The following ANKRD11 variants were observed in gnomAD, a reference collection of about 807,000 sequenced individuals.
The protein encoded by ANKRD11 is ankyrin repeat domain-containing protein 11.
ANKRD11 carries 17 observed loss-of-function variants against 195.7 expected under a neutral mutation model. The observed-to-expected ratio is 0.09, with a 90% CI of 0.06 to 0.13. The LOEUF (loss-of-function observed/expected upper bound fraction) is 0.13. Among genes scored for constraint, ANKRD11 ranks in the 10% least tolerant of loss-of-function variants. The pLI, the probability that ANKRD11 is intolerant of heterozygous loss-of-function variation, is 1.00. For synonymous variants in ANKRD11, 1,953 were observed against 1,528.1 expected, an observed-to-expected ratio of 1.28 and a Z score of -6.49; for missense variants, 3,735 against 3,566.1, an observed-to-expected ratio of 1.05 and a Z score of -1.21.
chr16:89,423,113 C>T (rs1450568459), intron 1 of ANKRD11, among the ~76,000 whole-genome samples: 1 of 152,220 alleles, frequency 6.6e-6, no homozygotes, highest in Non-Finnish European at 1.5e-5. Flanking sequence ...AGCTCAGGCC[C>T]CTCAGCTCCC....
intron 1 of ANKRD11, among the ~76,000 whole-genome samples, chr16:89,449,251 A>G (rs2043951881): frequency 6.6e-6 from 1 of 151,710 alleles, no homozygotes; most frequent in Non-Finnish European, 1.5e-5. Flanking sequence ...CTGTAGTCCC[A>G]ACTACTTGGA....
chr16:89,402,853 T>C (rs918393051), intron 2 of ANKRD11, among the ~76,000 whole-genome samples: 14 of 39,844 alleles, frequency 3.5e-4, no homozygotes, highest in African/African-American at 1.2e-3. Context: ...GTGGGCGGGG[T>C]GGGGCCTGCA....
chr16:89,343,235 C>G (rs769258984), intron 2 of ANKRD11, among the ~76,000 whole-genome samples: 1 of 152,204 alleles, frequency 6.6e-6, no homozygotes, highest in African/African-American at 2.4e-5. Context: ...AAGAGTGATC[C>G]ACCCAGCTCG....
chr16:89,336,223 G>A (rs1038519972), intron 2 of ANKRD11, among the ~76,000 whole-genome samples: 3 of 152,226 alleles, frequency 2.0e-5, no homozygotes, highest in Admixed American at 6.5e-5. Context: ...GACTTGAGGG[G>A]TTCAGGCAAG....
intron 1 of ANKRD11, among the ~76,000 whole-genome samples, chr16:89,485,323 TAAA>T (rs397855823): frequency 7.8e-5 from 10 of 128,090 alleles, no homozygotes; most frequent in Admixed American, 8.0e-5. Flanking sequence ...ATCTCTACTT[TAAA>T]AAAAAAAAAA....
chr16:89,354,372 C>T (rs192818001), intron 2 of ANKRD11, among the ~76,000 whole-genome samples: 23 of 151,944 alleles, frequency 1.5e-4, no homozygotes, highest in African/African-American at 5.6e-4. Flanking sequence ...TAACATTAGA[C>T]AAATACCCAA....
At chr16:89,435,351 A>T (rs2043169258) in intron 1 of ANKRD11, among the ~76,000 whole-genome samples, 1 of 152,224 alleles carries the variant, frequency 6.6e-6, no homozygotes, top group Admixed American at 6.5e-5. Flanking sequence ...AAAGCTGGCC[A>T]CATGAGCCAG....
chr16:89,314,912 A>G (rs2036854976), intron 3 of ANKRD11, among the ~76,000 whole-genome samples: 1 of 152,188 alleles, frequency 6.6e-6, no homozygotes, highest in Non-Finnish European at 1.5e-5. Context: ...GTCTGTTCAC[A>G]CAGCTGCTCC....
At position 89,458,938 on chromosome 16, in the gene ANKRD11, G is replaced by A. The variant is rs561388422; in HGVS notation, c.-145+31307C>T. 6 of 152,488 alleles carry A rather than the reference G, an allele frequency of 3.9e-5. No homozygotes were observed. The East Asian group carries it at 1.2e-3, about 29-fold the overall frequency. The allele number at this position is 152,488 out of a possible 1,614,324, so 9.4% of individuals were successfully genotyped here. A position where few individuals can be genotyped will look rare whatever the true frequency, so the allele number is the denominator to read the frequency against. On this transcript the variant is annotated intron_variant, in intron 1 of 12. Coordinates refer to ENST00000301030, the MANE Select transcript of ANKRD11 (RefSeq NM_013275.6). ...GGACGCAGCAAACCCACACCGTCGT[G>A]ACCCTGGTCACATACACCTGTCTTC...
rs766378420 is a variant in ANKRD11 at position 89,284,469 on chromosome 16, G to A, written c.2073C>T (p.Arg691=). 3.0e-5 allele frequency: 49 copies of A among 1,613,782 alleles called. No individual in the cohort carries two copies. Among genetic ancestry groups the A allele is most frequent in the Middle Eastern group, 3.3e-4 (2 of 6,062 alleles). ...GTTTCTCTTCTTTTTTAAAGTGGTC[G>A]CGATCGTGCTTTAACACTTTTAGCT... The part of the protein sequence containing the change: ...ENKLKVLKHD[R]DHFKKEEKLS... Residue 691 remains arginine (R), a synonymous_variant, in exon 9 of 13, where the codon CGC becomes CGT. Coordinates refer to ENST00000301030, the MANE Select transcript of ANKRD11 (RefSeq NM_013275.6).
At chr16:89,323,555 GTC>G (rs2037492080) in intron 2 of ANKRD11, among the ~76,000 whole-genome samples, 1 of 31,650 alleles carries the variant, frequency 3.2e-5, no homozygotes, top group Non-Finnish European at 7.6e-5. Flanking sequence ...AGGGCAGGGG[GTC>G]TGAGCTAAGG....
chr16:89,482,300 A>G (rs2057469683), intron 1 of ANKRD11, among the ~76,000 whole-genome samples: 1 of 152,246 alleles, frequency 6.6e-6, no homozygotes, highest in Non-Finnish European at 1.5e-5. Flanking sequence ...GTGCTTTACA[A>G]ACATGCCAAT....
chr16:89,408,845 T>A (rs1423389647), intron 2 of ANKRD11, among the ~76,000 whole-genome samples: 1 of 152,152 alleles, frequency 6.6e-6, no homozygotes, highest in Non-Finnish European at 1.5e-5. Flanking sequence ...TTTCTGGGAT[T>A]TTGTAGGAAA....
intron 2 of ANKRD11, among the ~76,000 whole-genome samples, chr16:89,330,559 TG>T (rs36083157): frequency 6.9e-6 from 1 of 144,290 alleles, no homozygotes; most frequent in Non-Finnish European, 1.5e-5. Context: ...TGGGGTGGTG[TG>T]GGGGGGAGCC....
chr16:89,433,877 A>G (rs1037261724), intron 1 of ANKRD11, among the ~76,000 whole-genome samples: 1 of 152,232 alleles, frequency 6.6e-6, no homozygotes. Context: ...TCTCTGCCTC[A>G]GAATCCAAGA....
At chr16:89,448,704 C>T (rs1416390034) in intron 1 of ANKRD11, among the ~76,000 whole-genome samples, 1 of 152,150 alleles carries the variant, frequency 6.6e-6, no homozygotes, top group Non-Finnish European at 1.5e-5. Flanking sequence ...AGTTAAACTG[C>T]TTCTGAGGCC....
At chr16:89,273,673 G>C (rs1341959068) in intron 11 of ANKRD11, among the ~76,000 whole-genome samples, 1 of 151,660 alleles carries the variant, frequency 6.6e-6, no homozygotes, top group Non-Finnish European at 1.5e-5. Flanking sequence ...CTCCAGCCTG[G>C]CAACAGAGCG....
intron 11 of ANKRD11, among the ~76,000 whole-genome samples, chr16:89,274,242 AG>A (rs1163268060): frequency 2.0e-5 from 3 of 152,154 alleles, no homozygotes; most frequent in Non-Finnish European, 4.4e-5. Context: ...CGGGAGCTGC[AG>A]GGGTGGGCGG....
chr16:89,483,450 C>A (rs193186187), intron 1 of ANKRD11, among the ~76,000 whole-genome samples: 1 of 152,216 alleles, frequency 6.6e-6, no homozygotes, highest in African/African-American at 2.4e-5. Flanking sequence ...TGCAAGCGTG[C>A]ATCACTTTTC....
Sources: allele counts gnomAD v4.1 joint callset (sites outside exome capture counted in the v4.1 genomes callset), GRCh38; gene constraint gnomAD v4.1.1; transcripts MANE v1.5; gene names NCBI Gene and HGNC (gene_info 2026-07-23, HGNC 2026-07-21).